The following RMND1 variants were observed in gnomAD, a reference collection of about 807,000 sequenced individuals.
RMND1 encodes the protein required for meiotic nuclear division protein 1 homolog.
Under a neutral mutation model 54.0 loss-of-function variants are expected in RMND1, and 41 were observed. The observed-to-expected ratio is 0.76, with a 90% CI of 0.59 to 0.98. The LOEUF is 0.98. Among genes scored for constraint, RMND1 ranks in the 50% least tolerant of loss-of-function variants. The probability of loss-of-function intolerance (pLI) is 0.00; values close to 1 mark genes in which losing one functional copy is unlikely to be tolerated. For missense variants in RMND1, 457 were observed against 532.0 expected, an observed-to-expected ratio of 0.86 and a Z score of 1.39; for synonymous variants, 183 against 181.7, an observed-to-expected ratio of 1.01 and a Z score of -0.06.
intron 1 of RMND1, among the ~76,000 whole-genome samples, chr6:151,451,022 T>C (rs951964899): frequency 1.3e-5 from 2 of 152,018 alleles, no homozygotes; most frequent in African/African-American, 4.8e-5. Flanking sequence ...TTAAGAGTCA[T>C]CACCACTCCC....
At chr6:151,435,263 A>C (rs1780570806) in intron 3 of RMND1, among the ~76,000 whole-genome samples, 1 of 152,012 alleles carries the variant, frequency 6.6e-6, no homozygotes, top group Non-Finnish European at 1.5e-5. Context: ...CTTGTGTCTC[A>C]GTCTCCCAAG....
chr6:151,404,807 G>T lies in RMND1; in HGVS notation c.*428C>A, dbSNP rs1779552450. ...TCACACGATATACTGGGCTGAAAAA[G>T]ATAATTTCTTGATTAAAAAAACACC... On this transcript the variant is annotated 3_prime_UTR_variant, in exon 12 of 12. Coordinates refer to ENST00000444024, the MANE Select transcript of RMND1 (RefSeq NM_017909.4). 6.5e-6 allele frequency: 1 copy of T among 153,438 alleles called. No homozygotes were observed. Among genetic ancestry groups the T allele is most frequent in the Admixed American group, 6.5e-5 (1 of 15,294 alleles). The allele number at this position is 153,438 out of a possible 1,614,324, so 9.5% of individuals were successfully genotyped here. A position where few individuals can be genotyped will look rare whatever the true frequency, so the allele number is the denominator to read the frequency against.
chr6:151,445,218 AC>A, intron 2 of RMND1, 89 bp downstream of exon 2: 1 of 1,358,288 alleles, frequency 7.4e-7, no homozygotes, highest in South Asian at 1.5e-5. Flanking sequence ...TAGTTCTCTT[AC>A]GTTGGCGGTA....
Position 151,427,553 on chromosome 6 carries a change from T to C in RMND1, c.759A>G (p.Lys253=). The stretch of plus-strand genomic sequence containing the variant: ...CGATTTCATAGGGCTGAATTTCATG[T>C]TTTTCTAGAACTTTCATCACATGCT... ...TMKHVMKVLE[K]HEIQPYEIAL... Residue 253 remains lysine (K), a synonymous_variant, in exon 6 of 12, where the codon AAA becomes AAG. Coordinates refer to ENST00000444024, the MANE Select transcript of RMND1 (RefSeq NM_017909.4). 2.5e-6 allele frequency: 4 copies of C among 1,611,582 alleles called. No individual in the cohort carries two copies. Among genetic ancestry groups the C allele is most frequent in the Non-Finnish European group, 3.4e-6 (4 of 1,178,026 alleles).
At chr6:151,446,716 C>A (rs1305386197) in intron 1 of RMND1, among the ~76,000 whole-genome samples, 1 of 151,988 alleles carries the variant, frequency 6.6e-6, no homozygotes, top group Non-Finnish European at 1.5e-5. Flanking sequence ...ACCAGCCTGG[C>A]CAACATGGCA....
At position 151,427,689 on chromosome 6, in the gene RMND1, TTC is replaced by T. The variant is rs1282780683; in HGVS notation, c.730-109_730-108del. 4 of 651,912 alleles carry T rather than the reference TTC, an allele frequency of 6.1e-6. No individual in the cohort carries two copies. The African/African-American group carries it at 7.3e-5, about 12-fold the overall frequency. 40.4% of individuals were successfully genotyped at this position (651,912 alleles called of 1,614,324 possible). A position where few individuals can be genotyped will look rare whatever the true frequency, so the allele number is the denominator to read the frequency against. On this transcript the variant is annotated intron_variant, in intron 5 of 11. Transcript: ENST00000444024. Reference sequence around the variant, plus strand: ...TCTTCATTACACTTACAGGCATTATTTCTGTTGCATGTTTTTAAGGAAAAGGC... The same window carrying T: ...TCTTCATTACACTTACAGGCATTATTTGTTGCATGTTTTTAAGGAAAAGGC...
chr6:151,449,291 C>G (rs1781056934), intron 1 of RMND1, among the ~76,000 whole-genome samples: 1 of 150,820 alleles, frequency 6.6e-6, no homozygotes, highest in Non-Finnish European at 1.5e-5. Context: ...ATCGCCTGAA[C>G]CCGGGAGGTG....
intron 10 of RMND1, among the ~76,000 whole-genome samples, chr6:151,415,084 CAGA>C (rs1459540003): frequency 6.7e-6 from 1 of 149,816 alleles, no homozygotes; most frequent in Non-Finnish European, 1.5e-5. Flanking sequence ...CTTAGAAGAT[CAGA>C]AGGAGAAAAG....
At chr6:151,406,496 G>A (rs1027532156) in intron 10 of RMND1, among the ~76,000 whole-genome samples, 1 of 152,016 alleles carries the variant, frequency 6.6e-6, no homozygotes, top group Non-Finnish European at 1.5e-5. Flanking sequence ...CAAATAGCTG[G>A]GACTACAGGT....
At chr6:151,412,093 T>C (rs1438512745) in intron 10 of RMND1, among the ~76,000 whole-genome samples, 2 of 151,974 alleles carry the variant, frequency 1.3e-5, no homozygotes, top group Non-Finnish European at 2.9e-5. Context: ...TCTGCCCCCC[T>C]TAGGTTCAAG....
chr6:151,445,173 T>C, intron 2 of RMND1, 135 bp downstream of exon 2: 1 of 847,934 alleles, frequency 1.2e-6, no homozygotes, highest in African/African-American at 1.7e-5. Context: ...TTTATTAGGC[T>C]TCAAAGACCT....
intron 6 of RMND1, among the ~76,000 whole-genome samples, chr6:151,425,282 G>A (rs1448323061): frequency 6.6e-6 from 1 of 152,140 alleles, no homozygotes; most frequent in Non-Finnish European, 1.5e-5. Context: ...ATGCCACAGA[G>A]CTGAGCAGAT....
chr6:151,436,427 C>G lies in RMND1; in HGVS notation c.613+19G>C. On this transcript the variant is annotated intron_variant, in intron 3 of 11. Transcript: ENST00000444024. ...CAATACATTTTAACATACTTGGCCC[C>G]AGGTTCAAGAAGAAGTACCTCTAGG... is the stretch of plus-strand genomic sequence containing the variant. 6.2e-7 allele frequency: 1 copy of G among 1,613,428 alleles called. No individual in the cohort carries two copies.
chr6:151,431,530 A>T (rs1216437945), intron 4 of RMND1, among the ~76,000 whole-genome samples: 1 of 152,180 alleles, frequency 6.6e-6, no homozygotes, highest in Non-Finnish European at 1.5e-5. Flanking sequence ...GTATCAGTTC[A>T]GAGAATCCCT....
chr6:151,407,694 T>TC (rs1779674022), intron 10 of RMND1, among the ~76,000 whole-genome samples: 2 of 151,944 alleles, frequency 1.3e-5, no homozygotes, highest in Non-Finnish European at 2.9e-5. Context: ...GATCACGAGG[T>TC]CAGGAGATCA....
chr6:151,425,942 A>C (rs1175745260), intron 6 of RMND1, among the ~76,000 whole-genome samples: 1 of 137,210 alleles, frequency 7.3e-6, no homozygotes, highest in Non-Finnish European at 1.5e-5. Flanking sequence ...CTCTGCTTTT[A>C]ACGCTTTTTT....
intron 5 of RMND1, among the ~76,000 whole-genome samples, chr6:151,427,960 C>T (rs1022382404): frequency 3.9e-5 from 6 of 151,916 alleles, no homozygotes; most frequent in African/African-American, 1.5e-4. Flanking sequence ...GGCAACGTGG[C>T]AAAATCCTGT....
intron 11 of RMND1, among the ~76,000 whole-genome samples, chr6:151,405,468 T>G (rs2114907651): frequency 6.6e-6 from 1 of 152,356 alleles, no homozygotes; most frequent in East Asian, 1.9e-4. Context: ...AGCTAGAACT[T>G]TTTCCAAATG....
At chr6:151,419,991 ATAT>A (rs1247111970) in intron 9 of RMND1, among the ~76,000 whole-genome samples, 2 of 152,104 alleles carry the variant, frequency 1.3e-5, no homozygotes, top group Non-Finnish European at 2.9e-5. Flanking sequence ...TTTTAATCTA[ATAT>A]TATCTGCCAT....
Sources: gnomAD v4.1 joint callset for allele counts (sites outside exome capture counted in the v4.1 genomes callset) on GRCh38, gnomAD v4.1.1 for gene constraint, MANE v1.5 for transcripts, NCBI Gene and HGNC (gene_info 2026-07-23, HGNC 2026-07-21) for gene names.